Variants in IFNGR2 observed in about 807,000 individuals in gnomAD.
The protein encoded by IFNGR2 is IFN-gamma receptor 2.
A neutral mutation model predicts 41.1 loss-of-function variants in IFNGR2; 15 were observed. The observed-to-expected ratio is 0.37, with a 90% CI of 0.24 to 0.56. IFNGR2 has a LOEUF of 0.56. Among genes scored for constraint, IFNGR2 ranks in the 20% least tolerant of loss-of-function variants. The pLI is 0.81. For synonymous variants in IFNGR2, 161 were observed against 171.6 expected (o/e 0.94, Z 0.48); for missense variants, 362 against 415.7 (o/e 0.87, Z 1.12).
chr21:33,419,831 T>TGA (rs1296745257), intron 2 of IFNGR2, among the ~76,000 whole-genome samples: 1 of 152,202 alleles, frequency 6.6e-6, no homozygotes, highest in Non-Finnish European at 1.5e-5. Context: ...AGGGACAGGC[T>TGA]GAGCCCCGGC....
intron 1 of IFNGR2, among the ~76,000 whole-genome samples, chr21:33,413,622 A>C (rs1294977105): frequency 6.6e-6 from 1 of 152,124 alleles, no homozygotes; most frequent in Non-Finnish European, 1.5e-5. Flanking sequence ...TTTCTAAGAC[A>C]AAGGGCTCCC....
chr21:33,415,248 C>T (rs1001553594), intron 2 of IFNGR2, among the ~76,000 whole-genome samples: 1 of 152,212 alleles, frequency 6.6e-6, no homozygotes, highest in Non-Finnish European at 1.5e-5. Flanking sequence ...TCTAACCACA[C>T]GGGTTCTTGC....
chr21:33,411,015 G>A, intron 1 of IFNGR2: 1 of 747,014 alleles, frequency 1.3e-6, no homozygotes, highest in Non-Finnish European at 2.3e-6. Flanking sequence ...GAACACAGAG[G>A]CTGGGCTGCC....
rs35774330 is a variant in IFNGR2, at chr21:33,433,789, A to ATT, written c.879+929_879+930dup. ...GTTATGTGTATTTTACCACAATTTA[A>ATT]TTTTTTTTTTTTAATGGCATGGGGT... On this transcript the variant is annotated intron_variant, in intron 6 of 6. Coordinates refer to ENST00000290219, the MANE Select transcript of IFNGR2 (RefSeq NM_005534.4). Among the ~76,000 whole-genome samples, 258 of 149,766 alleles carry ATT rather than the reference A, an allele frequency of 1.7e-3. 1 individual carries two copies. Among genetic ancestry groups the ATT allele is most frequent in the South Asian group, 7.1e-3 (34 of 4,756 alleles).
chr21:33,423,623 C>CT (rs944827833), intron 3 of IFNGR2, among the ~76,000 whole-genome samples: 14 of 148,694 alleles, frequency 9.4e-5, no homozygotes, highest in Admixed American at 2.0e-4. Context: ...AGGCTGGCCT[C>CT]TAACTCCTGA....
At chr21:33,436,055 TCAA>T (rs1156503391) in intron 6 of IFNGR2, among the ~76,000 whole-genome samples, 5 of 149,700 alleles carry the variant, frequency 3.3e-5, no homozygotes, top group Non-Finnish European at 7.4e-5. Flanking sequence ...AGAGACTGAC[TCAA>T]CAACAATAAA....
chr21:33,412,730 A>G (rs541354629), intron 1 of IFNGR2, among the ~76,000 whole-genome samples: 14 of 152,008 alleles, frequency 9.2e-5, no homozygotes, highest in African/African-American at 2.9e-4. Flanking sequence ...TAATTTTTCT[A>G]TTTTTAGTAG....
At position 33,437,161 on chromosome 21, in the gene IFNGR2, A is replaced by T; in HGVS notation, c.*199A>T. The stretch of plus-strand genomic sequence containing the variant: ...TTTTCTTAAAGAATTTTCAAAATCA[A>T]ATTCCAGAATGATTTTACGGAGATA... On this transcript the variant is annotated 3_prime_UTR_variant, in exon 7 of 7. Coordinates refer to ENST00000290219, the MANE Select transcript of IFNGR2 (RefSeq NM_005534.4). 1.7e-6 allele frequency: 1 copy of T among 572,228 alleles called. No homozygotes were observed. The highest frequency in any genetic ancestry group is 3.1e-6 in the Non-Finnish European group (1 of 322,984). 35.4% of individuals were successfully genotyped at this position (572,228 alleles called of 1,614,324 possible).
chr21:33,428,641 C>T (rs1453789249), intron 4 of IFNGR2, among the ~76,000 whole-genome samples: 1 of 152,192 alleles, frequency 6.6e-6, no homozygotes. Flanking sequence ...AGCTCAAGAT[C>T]TGGGTCGATT....
At chr21:33,426,112 A>G (rs963379587) in intron 3 of IFNGR2, among the ~76,000 whole-genome samples, 2 of 148,478 alleles carry the variant, frequency 1.3e-5, no homozygotes, top group Non-Finnish European at 3.0e-5. Context: ...AACACTTCTC[A>G]GTTATTGTGT....
At chr21:33,422,877 CAAAAA>C (rs71194843) in intron 3 of IFNGR2, among the ~76,000 whole-genome samples, 3 of 34,954 alleles carry the variant, frequency 8.6e-5, no homozygotes, top group African/African-American at 4.1e-4. Context: ...AACTCCATCT[CAAAAA>C]AAAAAAAAAA....
intron 5 of IFNGR2, 70 bp from the exon 6 acceptor site, chr21:33,432,644 T>C: frequency 6.6e-7 from 1 of 1,525,480 alleles, no homozygotes; most frequent in East Asian, 2.2e-5. Context: ...GCAGCATGGA[T>C]GGAACATTAA....
At chr21:33,405,936 C>G (rs1043485983) in intron 1 of IFNGR2, among the ~76,000 whole-genome samples, 1 of 151,700 alleles carries the variant, frequency 6.6e-6, no homozygotes, top group African/African-American at 2.4e-5. Context: ...AGGCTGAAGC[C>G]GAAGAATCAC....
chr21:33,436,927 G>A lies in IFNGR2; in HGVS notation c.979G>A (p.Glu327Lys). The A allele has an allele frequency of 6.2e-7, 1 of 1,614,032 alleles. No homozygotes were observed. ...CTCTGTGTCCATTATCTCGTTTCCGGAAAAGGAGCAAGAAGATGTTCTCCA... is the reference window on the plus strand; with the variant it reads ...CTCTGTGTCCATTATCTCGTTTCCGAAAAAGGAGCAAGAAGATGTTCTCCA... The part of the protein sequence containing the change: ...WDSVSIISFP[E>K]KEQEDVLQTL The change falls in exon 7 of 7, where the codon GAA (glutamate) becomes AAA (lysine). Residue 327 changes from glutamate to lysine, a missense_variant. Transcript: ENST00000290219.
intron 2 of IFNGR2, among the ~76,000 whole-genome samples, chr21:33,419,000 T>C (rs770964179): frequency 6.6e-6 from 1 of 152,334 alleles, no homozygotes; most frequent in Middle Eastern, 3.4e-3. Flanking sequence ...ATGTTCTTTA[T>C]AGAAAATCTG....
chr21:33,424,072 A>T (rs1266372982), intron 3 of IFNGR2, among the ~76,000 whole-genome samples: 2 of 152,090 alleles, frequency 1.3e-5, no homozygotes, highest in Non-Finnish European at 2.9e-5. Context: ...AAGCTGAGGC[A>T]GGCAGATCAT....
chr21:33,431,405 A>C (rs185654958), intron 4 of IFNGR2, among the ~76,000 whole-genome samples: 2 of 152,242 alleles, frequency 1.3e-5, no homozygotes, highest in East Asian at 3.9e-4. Context: ...CCCTGTTTCT[A>C]CTAAAAATAC....
intron 4 of IFNGR2, among the ~76,000 whole-genome samples, chr21:33,430,190 G>C (rs1277970028): frequency 6.6e-6 from 1 of 152,148 alleles, no homozygotes; most frequent in African/African-American, 2.4e-5. Flanking sequence ...TCAGCTAAGG[G>C]TTGACCTGGA....
At chr21:33,418,716 A>G (rs1457013004) in intron 2 of IFNGR2, among the ~76,000 whole-genome samples, 2 of 152,224 alleles carry the variant, frequency 1.3e-5, no homozygotes, top group Non-Finnish European at 2.9e-5. Context: ...CAGTGGCTGC[A>G]GGCTATTTGG....
Sources: gnomAD v4.1 joint callset for allele counts (sites outside exome capture counted in the v4.1 genomes callset) on GRCh38, gnomAD v4.1.1 for gene constraint, MANE v1.5 for transcripts, NCBI Gene and HGNC (gene_info 2026-07-23, HGNC 2026-07-21) for gene names.